The following ARHGAP6 variants were observed in gnomAD, a reference collection of about 807,000 sequenced individuals.
ARHGAP6 encodes the protein Rho GTPase activating protein 6, also known as rho GTPase-activating protein 6.
A neutral mutation model predicts 55.7 loss-of-function variants in ARHGAP6; 16 were observed. The ratio of observed to expected loss-of-function variants is 0.29; its 90% CI spans 0.19 to 0.44. The LOEUF (loss-of-function observed/expected upper bound fraction) is 0.44. Ranked by LOEUF, ARHGAP6 falls within the 20% of genes least tolerant of loss-of-function variation. The pLI, the probability that ARHGAP6 is intolerant of heterozygous loss-of-function variation, is 1.00. For synonymous variants in ARHGAP6, 382 were observed against 360.9 expected (o/e 1.06, Z -0.66); for missense variants, 698 against 808.9 (o/e 0.86, Z 1.66).
rs184905142 is a variant in ARHGAP6, at chrX:11,645,011, A to G, written c.588+19230T>C. On this transcript the variant is annotated intron_variant, in intron 1 of 12. Coordinates refer to ENST00000337414, the MANE Select transcript of ARHGAP6 (RefSeq NM_013427.3). ...GGAACTTACTACTCAGCAATAAAAA[A>G]GAACAAACTATTGATAATGCAACAA... Among the ~76,000 whole-genome samples, 409 of 112,425 alleles carry G rather than the reference A, an allele frequency of 3.6e-3. 1 individual carries two copies. The highest frequency in any genetic ancestry group is 0.014 in the Middle Eastern group (3 of 218).
chrX:11,313,741 T>C (rs1485736612), intron 1 of ARHGAP6, among the ~76,000 whole-genome samples: 3 of 112,505 alleles, frequency 2.7e-5, no homozygotes, highest in African/African-American at 9.7e-5. Flanking sequence ...ACTGTATTTT[T>C]ATAATCTAGC....
intron 1 of ARHGAP6, among the ~76,000 whole-genome samples, chrX:11,360,928 T>C (rs2049001569): frequency 9.0e-6 from 1 of 110,833 alleles, no homozygotes; most frequent in South Asian, 3.8e-4. Flanking sequence ...ATAAAATACT[T>C]AGGAATCCAA....
intron 2 of ARHGAP6, among the ~76,000 whole-genome samples, chrX:11,241,832 T>C (rs957411909): frequency 1.8e-4 from 20 of 111,540 alleles, no homozygotes; most frequent in African/African-American, 6.2e-4. Flanking sequence ...AAAGTGTCTA[T>C]GTTTCCCTGG....
intron 1 of ARHGAP6, among the ~76,000 whole-genome samples, chrX:11,524,020 G>T (rs889873549): frequency 2.7e-5 from 3 of 111,678 alleles, no homozygotes; most frequent in African/African-American, 9.8e-5. Context: ...GCTTATTAGG[G>T]TACTGGGAAA....
chrX:11,179,631 A>ATG (rs111989287), intron 6 of ARHGAP6, among the ~76,000 whole-genome samples, 179 bp from the exon 7 acceptor site: 52 of 106,137 alleles, frequency 4.9e-4, no homozygotes, highest in Middle Eastern at 9.9e-3. Context: ...AGCTATGAAT[A>ATG]TGTGTGTGTG....
intron 1 of ARHGAP6, among the ~76,000 whole-genome samples, chrX:11,320,907 C>G (rs1475729601): frequency 1.8e-5 from 2 of 110,235 alleles, no homozygotes; most frequent in African/African-American, 6.6e-5. Flanking sequence ...TGCATACACA[C>G]ATGCATACAC....
chrX:11,528,630 G>T (rs2051016011), intron 1 of ARHGAP6, among the ~76,000 whole-genome samples: 1 of 111,923 alleles, frequency 8.9e-6, no homozygotes, highest in African/African-American at 3.2e-5. Context: ...GGACAATGAG[G>T]TTGTAAATTT....
chrX:11,494,264 G>T (rs2050600833), intron 1 of ARHGAP6, among the ~76,000 whole-genome samples: 2 of 111,965 alleles, frequency 1.8e-5, no homozygotes, highest in Non-Finnish European at 3.8e-5. Flanking sequence ...ATAAAAATCA[G>T]TGTATTCCTT....
In ARHGAP6 at chrX:11,664,294, A is replaced by G; in HGVS notation, c.535T>C (p.Phe179Leu). Residue 179 changes from phenylalanine (F) to leucine (L), a missense_variant, in exon 1 of 13, where the codon TTC becomes CTC. Phe to Leu is a conservative substitution (Grantham distance 22). Around this residue, in one of 3 missense-constraint regions of ARHGAP6, gnomAD observed 322 missense variants for 451.1 expected, o/e 0.71. Transcript: ENST00000337414. ...CCGCGACTGTCGGGTGGGGACTGGA[A>G]CTTCCTCTGCTGGAGCCACCTCCTA... ...SPRRWLQQRK[F>L]QSPPDSRGHP... is the part of the protein sequence containing the mutation. 1 of 1,211,905 alleles carries G rather than the reference A, an allele frequency of 8.3e-7. No individual in the cohort carries two copies. Among genetic ancestry groups the G allele is most frequent in the Non-Finnish European group, 1.1e-6 (1 of 895,496 alleles).
intron 1 of ARHGAP6, among the ~76,000 whole-genome samples, chrX:11,370,426 A>G (rs995070310): frequency 2.7e-5 from 3 of 112,242 alleles, no homozygotes; most frequent in Non-Finnish European, 5.6e-5. Flanking sequence ...TCTCTTCCTC[A>G]TCTTCAAGGT....
chrX:11,533,982 A>T (rs189149459), intron 1 of ARHGAP6, among the ~76,000 whole-genome samples: 1 of 112,322 alleles, frequency 8.9e-6, no homozygotes, highest in Admixed American at 9.4e-5. Context: ...TTTTGGAAAG[A>T]TCACTGTGAC....
chrX:11,361,742 T>C (rs2049014285), intron 1 of ARHGAP6, among the ~76,000 whole-genome samples: 1 of 111,479 alleles, frequency 9.0e-6, no homozygotes, highest in African/African-American at 3.3e-5. Context: ...AGAAAATTTT[T>C]GCAACCTACT....
intron 10 of ARHGAP6, among the ~76,000 whole-genome samples, chrX:11,153,024 G>A (rs775652072): frequency 9.0e-6 from 1 of 111,566 alleles, no homozygotes; most frequent in Non-Finnish European, 1.9e-5. Flanking sequence ...ACCCTTGGAG[G>A]CCTCCTCCAA....
At chrX:11,544,295 T>C (rs1366099690) in intron 1 of ARHGAP6, among the ~76,000 whole-genome samples, 1 of 112,593 alleles carries the variant, frequency 8.9e-6, no homozygotes, top group East Asian at 2.8e-4. Flanking sequence ...GCCCAATGTT[T>C]ATTTAGAAGA....
chrX:11,654,739 T>C (rs1357185568), intron 1 of ARHGAP6, among the ~76,000 whole-genome samples: 1 of 111,625 alleles, frequency 9.0e-6, no homozygotes, highest in Non-Finnish European at 1.9e-5. Flanking sequence ...CTCTGTTCAA[T>C]CTCCCAGAGC....
chrX:11,195,461 T>C (rs1390812705), intron 3 of ARHGAP6, among the ~76,000 whole-genome samples: 1 of 111,283 alleles, frequency 9.0e-6, no homozygotes, highest in Admixed American at 9.5e-5. Flanking sequence ...AGAGAGTGGC[T>C]AAAGTTTTAG....
chrX:11,465,272 C>A (rs2050282189), intron 1 of ARHGAP6, among the ~76,000 whole-genome samples: 2 of 111,772 alleles, frequency 1.8e-5, no homozygotes, highest in Non-Finnish European at 3.8e-5. Context: ...AAGCAAAAAC[C>A]ACAGGAGATA....
intron 11 of ARHGAP6, chrX:11,142,869 A>G (rs1300556792): frequency 8.9e-6 from 1 of 111,937 alleles, no homozygotes; most frequent in East Asian, 2.8e-4. Flanking sequence ...CTCCAGAACC[A>G]TAAAATAATA....
intron 1 of ARHGAP6, among the ~76,000 whole-genome samples, chrX:11,389,077 T>C (rs2049369548): frequency 8.9e-6 from 1 of 111,754 alleles, no homozygotes. Context: ...TTTCAGACAT[T>C]TTTTATTGTC....
Sources: gnomAD v4.1 joint callset for allele counts (sites outside exome capture counted in the v4.1 genomes callset) on GRCh38, gnomAD v4.1.1 for gene constraint, gnomAD v4.1.1 regional missense constraint, MANE v1.5 for transcripts, NCBI Gene and HGNC (gene_info 2026-07-23, HGNC 2026-07-21) for gene names.